The following FAM20A variants were observed in gnomAD, a reference collection of about 807,000 sequenced individuals.
FAM20A encodes pseudokinase FAM20A.
A neutral mutation model predicts 52.0 loss-of-function variants in FAM20A; 42 were observed. The ratio of observed to expected loss-of-function variants is 0.81; its 90% CI spans 0.63 to 1.04. FAM20A has a LOEUF of 1.04. Among genes scored for constraint, FAM20A ranks in the 50% least tolerant of loss-of-function variants. The probability of loss-of-function intolerance (pLI) is 0.00; values close to 1 mark genes in which losing one functional copy is unlikely to be tolerated. For missense variants in FAM20A, 742 were observed against 712.7 expected, an observed-to-expected ratio of 1.04 and a Z score of -0.47; for synonymous variants, 304 against 298.9, an observed-to-expected ratio of 1.02 and a Z score of -0.18.
At chr17:68,581,500 C>T (rs2087996231) in intron 1 of FAM20A, among the ~76,000 whole-genome samples, 4 of 100,026 alleles carry the variant, frequency 4.0e-5, no homozygotes, top group Admixed American at 9.9e-5. Flanking sequence ...TTCTTTCTTT[C>T]TTCTTTCTCT....
At chr17:68,553,915 TAC>T (rs59449272) in intron 3 of FAM20A, among the ~76,000 whole-genome samples, 43 of 131,346 alleles carry the variant, frequency 3.3e-4, no homozygotes, top group African/African-American at 1.1e-3. Context: ...TATACATATA[TAC>T]ACACATATAT....
intron 1 of FAM20A, among the ~76,000 whole-genome samples, chr17:68,562,197 G>C (rs2087234309): frequency 6.6e-6 from 1 of 152,182 alleles, no homozygotes; most frequent in Non-Finnish European, 1.5e-5. Context: ...TTATCCTGTA[G>C]AATGATTTGC....
intron 1 of FAM20A, among the ~76,000 whole-genome samples, chr17:68,577,063 T>C (rs2087791772): frequency 6.6e-6 from 1 of 152,214 alleles, no homozygotes; most frequent in African/African-American, 2.4e-5. Context: ...CCCAGATTCT[T>C]GTTTTGGCTA....
At chr17:68,550,959 C>T (rs544281815) in intron 4 of FAM20A, 29 of 799,056 alleles carry the variant, frequency 3.6e-5, no homozygotes, top group African/African-American at 2.7e-4. Context: ...CAATGGGCCT[C>T]CCCTTGAATG....
intron 4 of FAM20A, among the ~76,000 whole-genome samples, chr17:68,549,878 T>G (rs1600558826): frequency 6.6e-6 from 1 of 152,228 alleles, no homozygotes; most frequent in East Asian, 1.9e-4. Flanking sequence ...ATGTATTTAT[T>G]TACATATTTT....
At position 68,540,052 on chromosome 17, in the gene FAM20A, C is replaced by T. The variant is rs146515104; in HGVS notation, c.1220-86G>A. On this transcript the variant is annotated intron_variant, in intron 8 of 10. Coordinates refer to ENST00000592554, the MANE Select transcript of FAM20A (RefSeq NM_017565.4). ...CTGAGTTCTCTCCAGGGAACGGAGGCCTGTCATCACTTGAGAGACAGGGGT... is the reference window on the plus strand; with the variant it reads ...CTGAGTTCTCTCCAGGGAACGGAGGTCTGTCATCACTTGAGAGACAGGGGT... The T allele has an allele frequency of 5.7e-5, 66 of 1,152,056 alleles. No individual in the cohort carries two copies. In the African/African-American group the frequency reaches 8.2e-4, roughly 14 times the overall value. 71.4% of individuals were successfully genotyped at this position (1,152,056 alleles called of 1,614,324 possible). A position where few individuals can be genotyped will look rare whatever the true frequency, so the allele number is the denominator to read the frequency against.
intron 1 of FAM20A, among the ~76,000 whole-genome samples, chr17:68,568,675 T>G (rs2087451347): frequency 6.6e-6 from 1 of 151,638 alleles, no homozygotes. Flanking sequence ...TCCCTGGTCT[T>G]GTGGCCACAT....
intron 1 of FAM20A, among the ~76,000 whole-genome samples, chr17:68,581,398 C>CTTTCT: frequency 6.9e-6 from 1 of 144,306 alleles, no homozygotes; most frequent in Non-Finnish European, 1.5e-5. Flanking sequence ...TTCTTTCTTT[C>CTTTCT]TTTCTTTCTT....
At chr17:68,567,396 A>C (rs769650436) in intron 1 of FAM20A, among the ~76,000 whole-genome samples, 1 of 151,930 alleles carries the variant, frequency 6.6e-6, no homozygotes, top group Non-Finnish European at 1.5e-5. Context: ...ACATGTTTAA[A>C]ACTAAACTCT....
At chr17:68,573,735 G>A (rs1218833775) in intron 1 of FAM20A, among the ~76,000 whole-genome samples, 1 of 151,112 alleles carries the variant, frequency 6.6e-6, no homozygotes, top group Non-Finnish European at 1.5e-5. Context: ...CTGGAGTGCA[G>A]TGGTGTGATC....
intron 1 of FAM20A, among the ~76,000 whole-genome samples, chr17:68,583,387 G>A (rs1221766444): frequency 6.6e-6 from 1 of 152,076 alleles, no homozygotes; most frequent in African/African-American, 2.4e-5. Flanking sequence ...CCCCTTCTTT[G>A]CTGTTTCTGT....
At chr17:68,575,566 T>C (rs1410154217) in intron 1 of FAM20A, among the ~76,000 whole-genome samples, 5 of 106,140 alleles carry the variant, frequency 4.7e-5, no homozygotes, top group South Asian at 2.4e-4. Context: ...ATATTTTATA[T>C]ATTATATAAT....
At chr17:68,552,149 C>T (rs1433508471) in intron 3 of FAM20A, among the ~76,000 whole-genome samples, 198 bp from the exon 4 acceptor site, 1 of 151,860 alleles carries the variant, frequency 6.6e-6, no homozygotes, top group Non-Finnish European at 1.5e-5. Flanking sequence ...GGGCTCAAGA[C>T]AGTACTTTTT....
At chr17:68,542,629 G>C in intron 6 of FAM20A, 65 bp downstream of exon 6, 1 of 1,222,978 alleles carries the variant, frequency 8.2e-7, no homozygotes, top group Non-Finnish European at 1.2e-6. Flanking sequence ...CTGATGAATG[G>C]AGGGGTGGAC....
intron 1 of FAM20A, among the ~76,000 whole-genome samples, chr17:68,583,533 G>C (rs1427350233): frequency 5.3e-5 from 8 of 152,128 alleles, no homozygotes; most frequent in Admixed American, 5.2e-4. Context: ...ACTTGACATG[G>C]AACTTAGGGG....
chr17:68,592,990 A>G (rs758892113), intron 1 of FAM20A, among the ~76,000 whole-genome samples: 7 of 152,354 alleles, frequency 4.6e-5, no homozygotes, highest in Non-Finnish European at 8.8e-5. Context: ...TGCCATCTCC[A>G]TAGCACTTCA....
chr17:68,571,577 C>T (rs1247474893), intron 1 of FAM20A, among the ~76,000 whole-genome samples: 1 of 152,190 alleles, frequency 6.6e-6, no homozygotes, highest in Non-Finnish European at 1.5e-5. Flanking sequence ...TTCTATAGCA[C>T]TCGGCTTTTA....
intron 1 of FAM20A, among the ~76,000 whole-genome samples, chr17:68,568,398 G>A (rs2143783681): frequency 2.0e-5 from 3 of 151,892 alleles, no homozygotes; most frequent in African/African-American, 7.3e-5. Context: ...AACCCGGGAG[G>A]TGGAGCTTGC....
At chr17:68,598,363 A>G (rs1469100221) in intron 1 of FAM20A, among the ~76,000 whole-genome samples, 1 of 152,080 alleles carries the variant, frequency 6.6e-6, no homozygotes, top group African/African-American at 2.4e-5. Context: ...TAATATGTTC[A>G]TGTTAACATT....
Sources: gnomAD v4.1 joint callset for allele counts (sites outside exome capture counted in the v4.1 genomes callset) on GRCh38, gnomAD v4.1.1 for gene constraint, MANE v1.5 for transcripts, NCBI Gene and HGNC (gene_info 2026-07-23, HGNC 2026-07-21) for gene names.